The following CADM1 variants were observed in gnomAD, a reference collection of about 807,000 sequenced individuals.
The protein encoded by CADM1 is cell adhesion molecule 1.
A neutral mutation model predicts 53.1 loss-of-function variants in CADM1; 15 were observed. That is an observed-to-expected ratio of 0.28 (90% CI 0.19 to 0.44). The LOEUF is 0.44. Ranked by LOEUF, CADM1 falls within the 20% of genes least tolerant of loss-of-function variation. The pLI is 1.00. For synonymous variants in CADM1, 281 were observed against 243.0 expected, an observed-to-expected ratio of 1.16 and a Z score of -1.45; for missense variants, 434 against 611.3, an observed-to-expected ratio of 0.71 and a Z score of 3.06.
chr11:115,206,758 CTTTTTTTTTTTTTT>C (rs56270694), intron 8 of CADM1, among the ~76,000 whole-genome samples: 621 of 38,274 alleles, frequency 0.016, 30 homozygotes, highest in African/African-American at 0.056. Flanking sequence ...CTGTGGACTT[CTTTTTTTTTTTTTT>C]TTTTTTTTTT....
At chr11:115,208,770 G>A (rs1015313040) in intron 8 of CADM1, among the ~76,000 whole-genome samples, 2 of 152,110 alleles carry the variant, frequency 1.3e-5, no homozygotes, top group African/African-American at 2.4e-5. Context: ...TCCTACTTAG[G>A]TAGGCAGAAG....
chr11:115,466,265 T>C (rs1215127832), intron 1 of CADM1, among the ~76,000 whole-genome samples: 1 of 152,218 alleles, frequency 6.6e-6, no homozygotes, highest in African/African-American at 2.4e-5. Flanking sequence ...GATTAGAGCA[T>C]CTTTTAATGA....
intron 1 of CADM1, among the ~76,000 whole-genome samples, chr11:115,250,962 G>C (rs1183337717): frequency 6.6e-6 from 1 of 152,168 alleles, no homozygotes; most frequent in Non-Finnish European, 1.5e-5. Flanking sequence ...GAATGAAGGA[G>C]AACTAATGAA....
At position 115,229,280 on chromosome 11, in the gene CADM1, C is replaced by A. The variant is rs768973522; in HGVS notation, c.563-9G>T. 6.2e-7 allele frequency: 1 copy of A among 1,613,950 alleles called. No individual in the cohort carries two copies. Reference sequence around the variant, plus strand: ...TTCCACCTCCGATTTGCCTGGGGAACAGAAAATGTACCAAGACACCAGAGT... The same window carrying A: ...TTCCACCTCCGATTTGCCTGGGGAAAAGAAAATGTACCAAGACACCAGAGT... On this transcript the variant is annotated splice_polypyrimidine_tract_variant and intron_variant, in intron 4 of 11. Transcript: ENST00000331581.
chr11:115,418,897 C>T (rs1947682486), intron 1 of CADM1, among the ~76,000 whole-genome samples: 1 of 152,118 alleles, frequency 6.6e-6, no homozygotes, highest in Non-Finnish European at 1.5e-5. Context: ...ACATCATAGT[C>T]TACTAAAGAT....
intron 1 of CADM1, among the ~76,000 whole-genome samples, chr11:115,317,884 A>C (rs1944711163): frequency 6.6e-6 from 1 of 152,192 alleles, no homozygotes; most frequent in South Asian, 2.1e-4. Flanking sequence ...AAGGCCAAGT[A>C]ATCTATGACC....
chr11:115,504,374 C>A lies in CADM1; in HGVS notation c.21G>T (p.Pro7=), dbSNP rs1397691387. The A allele has an allele frequency of 1.9e-6, 3 of 1,547,598 alleles. No homozygotes were observed. The East Asian group carries it at 7.3e-5, about 38-fold the overall frequency. The change falls in exon 1 of 12, where the codon CCG becomes CCT. Residue 7 remains proline (P), a synonymous_variant. Coordinates refer to ENST00000331581, the MANE Select transcript of CADM1 (RefSeq NM_001301043.2). The stretch of plus-strand genomic sequence containing the variant: ...CTGCCGCCGCACACTGGGATCCGCT[C>A]GGCAGCACTACACTCGCCATGTCGG... The part of the protein sequence containing the change: MASVVL[P]SGSQCAAAAA...
At chr11:115,393,925 G>C (rs749624842) in intron 1 of CADM1, among the ~76,000 whole-genome samples, 5 of 152,024 alleles carry the variant, frequency 3.3e-5, no homozygotes, top group Non-Finnish European at 4.4e-5. Flanking sequence ...GCTATGAAAA[G>C]GCTGAATTTA....
intron 7 of CADM1, 88 bp from the exon 8 acceptor site, chr11:115,209,745 A>G (rs922205290): frequency 5.9e-6 from 9 of 1,513,560 alleles, no homozygotes; most frequent in Non-Finnish European, 7.2e-6. Flanking sequence ...GAGGACATTG[A>G]GATGTTTGTT....
intron 1 of CADM1, among the ~76,000 whole-genome samples, chr11:115,400,525 AC>A (rs2135210834): frequency 6.8e-6 from 1 of 147,120 alleles, no homozygotes; most frequent in East Asian, 2.0e-4. Flanking sequence ...ATATCAGAAT[AC>A]TGTCAAAATC....
At chr11:115,455,165 T>C (rs1386421718) in intron 1 of CADM1, among the ~76,000 whole-genome samples, 4 of 152,180 alleles carry the variant, frequency 2.6e-5, no homozygotes, top group African/African-American at 9.7e-5. Flanking sequence ...CAAGTCCTTG[T>C]TGGATCTCAT....
intron 1 of CADM1, among the ~76,000 whole-genome samples, chr11:115,463,873 C>G (rs867591364): frequency 2.3e-5 from 3 of 130,236 alleles, no homozygotes; most frequent in Admixed American, 8.2e-5. Context: ...GGGCCGGGGG[C>G]GGGGTGCAGC....
chr11:115,340,572 T>C lies in CADM1; in HGVS notation c.125-100152A>G, dbSNP rs1377111237. Among the ~76,000 whole-genome samples the C allele has an allele frequency of 7.1e-5, 10 of 140,236 alleles. No homozygotes were observed. The Admixed American group carries it at 7.3e-4, about 10-fold the overall frequency. 92.0% of individuals were successfully genotyped at this position (140,236 alleles called of 152,430 possible). A position where few individuals can be genotyped will look rare whatever the true frequency, so the allele number is the denominator to read the frequency against. On this transcript the variant is annotated intron_variant, in intron 1 of 11. Transcript: ENST00000331581. ...ATATACGCCATATAAGGGGGATTTA[T>C]TTAAAATCAAATTTCCCCTGGTCTC...
At chr11:115,237,983 T>C (rs1942069424) in intron 3 of CADM1, among the ~76,000 whole-genome samples, 1 of 152,182 alleles carries the variant, frequency 6.6e-6, no homozygotes, top group Non-Finnish European at 1.5e-5. Flanking sequence ...TATATGTTCA[T>C]GGAGTATGAT....
chr11:115,368,399 T>C (rs1946227429), intron 1 of CADM1, among the ~76,000 whole-genome samples: 1 of 152,106 alleles, frequency 6.6e-6, no homozygotes, highest in South Asian at 2.1e-4. Context: ...GTGTTAAATC[T>C]TTCTTCTTTA....
At chr11:115,342,525 T>C (rs1054706010) in intron 1 of CADM1, among the ~76,000 whole-genome samples, 1 of 152,122 alleles carries the variant, frequency 6.6e-6, no homozygotes, top group African/African-American at 2.4e-5. Flanking sequence ...ACTTAAACCC[T>C]AAGGCCCCAG....
In CADM1 at chr11:115,173,136, C is replaced by T. The variant is rs983691195; in HGVS notation, c.*3338G>A. On this transcript the variant is annotated 3_prime_UTR_variant, in exon 12 of 12. Coordinates refer to ENST00000331581, the MANE Select transcript of CADM1 (RefSeq NM_001301043.2). ...AGCCAAGCCAGTCCTCCACAGCTCA[C>T]GTCTTCTTTTTATGAAAGGAGAGAG... The T allele has an allele frequency of 2.6e-5, 4 of 152,182 alleles. No individual in the cohort carries two copies. Among genetic ancestry groups the T allele is most frequent in the African/African-American group, 4.8e-5 (2 of 41,410 alleles). 9.4% of individuals were successfully genotyped at this position (152,182 alleles called of 1,614,324 possible).
chr11:115,213,413 C>T (rs879864881), intron 7 of CADM1, among the ~76,000 whole-genome samples: 2 of 152,004 alleles, frequency 1.3e-5, no homozygotes, highest in African/African-American at 2.4e-5. Context: ...ATTGGTAGTG[C>T]GTAAAGATAA....
chr11:115,373,712 C>T (rs1204452548), intron 1 of CADM1, among the ~76,000 whole-genome samples: 1 of 150,318 alleles, frequency 6.7e-6, no homozygotes, highest in Non-Finnish European at 1.5e-5. Flanking sequence ...TAAAATAGTT[C>T]GTAAAAAATA....
Sources: allele counts gnomAD v4.1 joint callset (sites outside exome capture counted in the v4.1 genomes callset), GRCh38; gene constraint gnomAD v4.1.1; transcripts MANE v1.5; gene names NCBI Gene and HGNC (gene_info 2026-07-23, HGNC 2026-07-21).